JMJD1C: variants seen among roughly 807,000 people sequenced by gnomAD.
JMJD1C encodes jumonji domain-containing protein 1C.
A neutral mutation model predicts 245.3 loss-of-function variants in JMJD1C; 31 were observed. That is an observed-to-expected ratio of 0.13 (90% CI 0.09 to 0.17). The LOEUF is 0.17. Among genes scored for constraint, JMJD1C ranks in the 10% least tolerant of loss-of-function variants. The pLI, the probability that JMJD1C is intolerant of heterozygous loss-of-function variation, is 1.00. For missense variants in JMJD1C, 2,691 were observed against 3,000.2 expected, an observed-to-expected ratio of 0.90 and a Z score of 2.41; for synonymous variants, 1,057 against 1,017.4, an observed-to-expected ratio of 1.04 and a Z score of -0.74.
At chr10:63,423,757 T>A (rs189944502) in intron 1 of JMJD1C, among the ~76,000 whole-genome samples, 1 of 152,236 alleles carries the variant, frequency 6.6e-6, no homozygotes, top group African/African-American at 2.4e-5. Context: ...TACGTTCCCA[T>A]CATCAATGTA....
chr10:63,316,041 A>G (rs1940005168), intron 2 of JMJD1C, among the ~76,000 whole-genome samples: 1 of 152,132 alleles, frequency 6.6e-6, no homozygotes, highest in East Asian at 1.9e-4. Context: ...ATGATGGTGC[A>G]CACCTGTAGA....
At chr10:63,435,350 C>A (rs1951001945) in intron 1 of JMJD1C, among the ~76,000 whole-genome samples, 2 of 151,900 alleles carry the variant, frequency 1.3e-5, no homozygotes, top group South Asian at 4.1e-4. Context: ...TTTTAACAGG[C>A]TGAATAATTG....
At chr10:63,296,015 T>TATATA (rs1564748429) in intron 2 of JMJD1C, among the ~76,000 whole-genome samples, 13 of 110,826 alleles carry the variant, frequency 1.2e-4, no homozygotes, top group African/African-American at 4.5e-4. Flanking sequence ...ATATATATAT[T>TATATA]TTTTTTTTTT....
intron 2 of JMJD1C, among the ~76,000 whole-genome samples, chr10:63,276,321 C>T (rs745932667): frequency 1.2e-4 from 18 of 151,924 alleles, no homozygotes; most frequent in Non-Finnish European, 1.9e-4. Context: ...AAAAAGTTAG[C>T]TGGGCGGGGT....
intron 3 of JMJD1C, among the ~76,000 whole-genome samples, chr10:63,231,940 C>A (rs1306434142): frequency 6.6e-6 from 1 of 152,084 alleles, no homozygotes; most frequent in Non-Finnish European, 1.5e-5. Context: ...TGGGTTCAAG[C>A]AATTCTCCTG....
At chr10:63,392,867 AACACACACACACACACACAC>A (rs34778084) in intron 1 of JMJD1C, among the ~76,000 whole-genome samples, 3 of 112,262 alleles carry the variant, frequency 2.7e-5, no homozygotes, top group South Asian at 6.3e-4. Flanking sequence ...AAAGTACATA[AACACACACACACACACACAC>A]ACACACACAC....
At chr10:63,308,919 T>C (rs1938711852) in intron 2 of JMJD1C, among the ~76,000 whole-genome samples, 1 of 151,924 alleles carries the variant, frequency 6.6e-6, no homozygotes, top group South Asian at 2.1e-4. Context: ...TTTCAGAATC[T>C]TGGGGAAAAA....
intron 1 of JMJD1C, among the ~76,000 whole-genome samples, chr10:63,438,438 C>G (rs973348594): frequency 2.0e-5 from 3 of 152,178 alleles, no homozygotes; most frequent in Non-Finnish European, 4.4e-5. Flanking sequence ...CTCCTAACCG[C>G]TCTCCCTGCA....
intron 1 of JMJD1C, among the ~76,000 whole-genome samples, chr10:63,461,019 C>T (rs942289821): frequency 3.3e-5 from 5 of 152,234 alleles, no homozygotes; most frequent in African/African-American, 1.2e-4. Flanking sequence ...TATAAAACAA[C>T]AGCCCCTTTA....
At chr10:63,285,642 T>C (rs1048933836) in intron 2 of JMJD1C, among the ~76,000 whole-genome samples, 3 of 152,206 alleles carry the variant, frequency 2.0e-5, no homozygotes, top group Admixed American at 6.5e-5. Flanking sequence ...ATCCCATTTC[T>C]ACAAAAAATA....
At chr10:63,169,443 A>C (rs1284355222) in intron 24 of JMJD1C, among the ~76,000 whole-genome samples, 1 of 152,206 alleles carries the variant, frequency 6.6e-6, no homozygotes, top group Non-Finnish European at 1.5e-5. Context: ...AAATAATTGA[A>C]AAACTAAGCA....
rs1946536004 is a variant in JMJD1C at position 63,374,173 on chromosome 10, A to T, written c.333+6145T>A. ...GGTTATAATATCTGTAATAATATAA[A>T]GAAAGCTCATAACAAATATAAAAAA... On this transcript the variant is annotated intron_variant, in intron 2 of 25. Coordinates refer to ENST00000399262, the MANE Select transcript of JMJD1C (RefSeq NM_032776.3). 1.1e-4 allele frequency among the ~76,000 whole-genome samples: 16 copies of T among 152,306 alleles called. No individual in the cohort carries two copies. In the South Asian group the frequency reaches 3.1e-3, roughly 30 times the overall value.
In JMJD1C at chr10:63,184,738, T is replaced by C; in HGVS notation, c.6831A>G (p.Arg2277=). The C allele has an allele frequency of 1.2e-6, 2 of 1,602,384 alleles. No individual in the cohort carries two copies. The highest frequency in any genetic ancestry group is 2.3e-5 in the South Asian group (2 of 88,550). ...GEDFKTMMPA[R]YEDLLKSLPL... is the part of the protein sequence containing the mutation. ...GCAGACTTTTTAAAAGATCTTCGTA[T>C]CTGAAGAAAAACAACATTGCCTTCT... The change falls in exon 21 of 26, where the codon AGA becomes AGG. Residue 2277 remains arginine, a splice_region_variant and synonymous_variant. Coordinates refer to ENST00000399262, the MANE Select transcript of JMJD1C (RefSeq NM_032776.3).
chr10:63,375,101 T>C (rs532392647), intron 2 of JMJD1C, among the ~76,000 whole-genome samples: 1 of 151,986 alleles, frequency 6.6e-6, no homozygotes, highest in East Asian at 1.9e-4. Context: ...TTCTTGATCT[T>C]AGAGGAAAAG....
chr10:63,170,755 T>C (rs1015790653), intron 24 of JMJD1C, among the ~76,000 whole-genome samples: 4 of 152,190 alleles, frequency 2.6e-5, no homozygotes, highest in Admixed American at 1.3e-4. Context: ...CCCTACCTGA[T>C]ATATTTTGGA....
At chr10:63,317,463 T>C (rs543093538) in intron 2 of JMJD1C, among the ~76,000 whole-genome samples, 60 of 152,118 alleles carry the variant, frequency 3.9e-4, no homozygotes, top group African/African-American at 1.2e-3. Flanking sequence ...CCATAGAACA[T>C]TGGAACTTAT....
chr10:63,203,972 A>T (rs1458931963), intron 10 of JMJD1C: 2 of 983,754 alleles, frequency 2.0e-6, no homozygotes, highest in Non-Finnish European at 2.4e-6. Flanking sequence ...TCCCTGACTT[A>T]TGAAAACTCC....
At chr10:63,399,351 C>G (rs771618622) in intron 1 of JMJD1C, among the ~76,000 whole-genome samples, 1 of 152,192 alleles carries the variant, frequency 6.6e-6, no homozygotes, top group East Asian at 1.9e-4. Context: ...TCCAAGGAAC[C>G]CTGGTACTTT....
intron 1 of JMJD1C, among the ~76,000 whole-genome samples, chr10:63,414,310 A>C (rs1286922695): frequency 3.9e-5 from 6 of 152,152 alleles, no homozygotes; most frequent in Non-Finnish European, 8.8e-5. Flanking sequence ...CTAGTATTAA[A>C]CACTAAGAAA....
Sources: gnomAD v4.1 joint callset for allele counts (sites outside exome capture counted in the v4.1 genomes callset) on GRCh38, gnomAD v4.1.1 for gene constraint, MANE v1.5 for transcripts, NCBI Gene and HGNC (gene_info 2026-07-23, HGNC 2026-07-21) for gene names.